ZNF69: variants seen among roughly 807,000 people sequenced by gnomAD.
The protein encoded by ZNF69 is zinc finger protein 69, also known as ZNF3.
A neutral mutation model predicts 50.9 loss-of-function variants in ZNF69; 47 were observed. The ratio of observed to expected loss-of-function variants is 0.92; its 90% CI spans 0.73 to 1.18. The LOEUF is 1.18. Among genes scored for constraint, ZNF69 ranks in the 50% most tolerant of loss-of-function variants. ZNF69 has a pLI of 0.00. For missense variants in ZNF69, 717 were observed against 675.1 expected, an observed-to-expected ratio of 1.06 and a Z score of -0.69; for synonymous variants, 216 against 223.1, an observed-to-expected ratio of 0.97 and a Z score of 0.29.
At chr19:11,898,933 T>C (rs1027774669) in intron 1 of ZNF69, among the ~76,000 whole-genome samples, 7 of 152,220 alleles carry the variant, frequency 4.6e-5, no homozygotes, top group African/African-American at 1.7e-4. Context: ...ATGATGAAAA[T>C]TGAAGAAGCC....
At chr19:11,936,409 G>T in the ZNF69 span, among the ~76,000 whole-genome samples, 1 of 152,154 alleles carries the variant, frequency 6.6e-6, no homozygotes, top group East Asian at 1.9e-4. Flanking sequence ...ATCTCATTGT[G>T]GTTTTGATTT....
chr19:11,905,552 G>A lies in ZNF69; in HGVS notation c.1155G>A (p.Glu385=), dbSNP rs1405139202. 1 of 1,613,876 alleles carries A rather than the reference G, an allele frequency of 6.2e-7. No individual in the cohort carries two copies. The highest frequency in any genetic ancestry group is 2.2e-5 in the East Asian group (1 of 44,844). Residue 385 remains glutamate (E), a synonymous_variant, in exon 4 of 4, where the codon GAG becomes GAA. Coordinates refer to ENST00000429654, the MANE Select transcript of ZNF69 (RefSeq NM_001364730.1). ...FQRHEKTHSG[E]KPYKCKQCGK... Reference sequence around the variant, plus strand: ...GACATGAAAAAACTCACAGTGGAGAGAAACCCTATAAATGCAAGCAATGTG... The same window carrying A: ...GACATGAAAAAACTCACAGTGGAGAAAAACCCTATAAATGCAAGCAATGTG...
At chr19:11,915,948 C>A (rs1432095517), downstream of ZNF69, among the ~76,000 whole-genome samples, 1 of 152,072 alleles carries the variant, frequency 6.6e-6, no homozygotes, top group Non-Finnish European at 1.5e-5. Flanking sequence ...CCTGATGCCC[C>A]CACTGCAGGT....
At chr19:11,910,133 CA>C (rs1568282520), downstream of ZNF69, among the ~76,000 whole-genome samples, 1 of 152,092 alleles carries the variant, frequency 6.6e-6, no homozygotes, top group Non-Finnish European at 1.5e-5. Context: ...AGGACCTCTT[CA>C]AAGAGAACTA....
chr19:11,944,744 G>A, the ZNF69 span, among the ~76,000 whole-genome samples: 4 of 152,190 alleles, frequency 2.6e-5, no homozygotes, highest in Admixed American at 1.3e-4. Context: ...TATGCCAGCC[G>A]GGACGGTTGG....
At chr19:11,926,953 T>A in the ZNF69 span, among the ~76,000 whole-genome samples, 6 of 152,276 alleles carry the variant, frequency 3.9e-5, no homozygotes, top group East Asian at 1.2e-3. Context: ...TTCTTGCTTG[T>A]ATTACCAGGA....
At chr19:11,956,487 A>G in the ZNF69 span, 1 of 398,112 alleles carries the variant, frequency 2.5e-6, no homozygotes, top group East Asian at 3.6e-5. Flanking sequence ...AACACTGGGT[A>G]TTTTCTCATT....
At chr19:11,943,368 AT>A in the ZNF69 span, among the ~76,000 whole-genome samples, 1 of 152,128 alleles carries the variant, frequency 6.6e-6, no homozygotes, top group Admixed American at 6.5e-5. Context: ...GATAGATAGC[AT>A]TTTTCATCTG....
chr19:11,971,673 G>T, the ZNF69 span, among the ~76,000 whole-genome samples: 1 of 152,084 alleles, frequency 6.6e-6, no homozygotes, highest in Non-Finnish European at 1.5e-5. Flanking sequence ...TCCATTTATT[G>T]CATTTTATAT....
chr19:11,968,083 A>G, the ZNF69 span, among the ~76,000 whole-genome samples: 1 of 152,188 alleles, frequency 6.6e-6, no homozygotes, highest in African/African-American at 2.4e-5. Flanking sequence ...TGTTATGACC[A>G]TGGGTTGTGA....
chr19:11,963,496 T>C, the ZNF69 span, among the ~76,000 whole-genome samples: 3 of 152,198 alleles, frequency 2.0e-5, no homozygotes, highest in African/African-American at 7.2e-5. Flanking sequence ...TTTGCAGCAG[T>C]GGTTGAGCGT....
downstream of ZNF69, among the ~76,000 whole-genome samples, chr19:11,914,998 A>G (rs551646371): frequency 3.3e-5 from 5 of 152,302 alleles, no homozygotes; most frequent in African/African-American, 7.2e-5. Flanking sequence ...GAGGTCAGGA[A>G]TTCAAGACAA....
At chr19:11,975,420 C>A in the ZNF69 span, among the ~76,000 whole-genome samples, 4 of 144,494 alleles carry the variant, frequency 2.8e-5, no homozygotes, top group African/African-American at 1.0e-4. Flanking sequence ...TTTTTTGAGA[C>A]AGAGTCTTGC....
At chr19:11,901,659 G>GT (rs1002279708) in intron 1 of ZNF69, among the ~76,000 whole-genome samples, 16 of 151,212 alleles carry the variant, frequency 1.1e-4, no homozygotes, top group Admixed American at 2.0e-4. Context: ...TAATTTTTGT[G>GT]TTTTTTTAGA....
the ZNF69 span, among the ~76,000 whole-genome samples, chr19:11,927,544 T>G: frequency 6.6e-6 from 1 of 152,164 alleles, no homozygotes; most frequent in Non-Finnish European, 1.5e-5. Context: ...CGTACTGTCT[T>G]TAAGTTTTTC....
the ZNF69 span, among the ~76,000 whole-genome samples, chr19:11,934,064 C>G: frequency 6.8e-6 from 1 of 147,544 alleles, no homozygotes. Flanking sequence ...TCATCTTGAG[C>G]CTGGTGTGAT....
chr19:11,970,227 A>C, the ZNF69 span, among the ~76,000 whole-genome samples: 14 of 152,346 alleles, frequency 9.2e-5, no homozygotes, highest in East Asian at 1.5e-3. Context: ...GATTGTCTCA[A>C]CTGTGAAGAG....
chr19:11,939,293 T>C, the ZNF69 span, among the ~76,000 whole-genome samples: 1 of 152,244 alleles, frequency 6.6e-6, no homozygotes. Flanking sequence ...AGTGATGAAG[T>C]CCTTGCCCAT....
chr19:11,939,644 A>G, the ZNF69 span, among the ~76,000 whole-genome samples: 1 of 152,274 alleles, frequency 6.6e-6, no homozygotes, highest in East Asian at 1.9e-4. Flanking sequence ...TATTTTTAGT[A>G]GAGATGGAGT....
Sources: allele counts gnomAD v4.1 joint callset (sites outside exome capture counted in the v4.1 genomes callset), GRCh38; gene constraint gnomAD v4.1.1; transcripts MANE v1.5; gene names NCBI Gene and HGNC (gene_info 2026-07-23, HGNC 2026-07-21).